ZBTB7B: variants seen among roughly 807,000 people sequenced by gnomAD.
The protein encoded by ZBTB7B is zinc finger and BTB domain-containing protein 7B.
Under a neutral mutation model 31.0 loss-of-function variants are expected in ZBTB7B, and 8 were observed. The ratio of observed to expected loss-of-function variants is 0.26; its 90% CI spans 0.15 to 0.47. The LOEUF is 0.47. Among genes scored for constraint, ZBTB7B ranks in the 20% least tolerant of loss-of-function variants. The pLI, the probability that ZBTB7B is intolerant of heterozygous loss-of-function variation, is 0.99. For missense variants in ZBTB7B, 494 were observed against 742.4 expected, an observed-to-expected ratio of 0.67 and a Z score of 3.89; for synonymous variants, 261 against 307.3, an observed-to-expected ratio of 0.85 and a Z score of 1.58.
Position 155,016,846 on chromosome 1 carries a change from G to T in ZBTB7B, c.*161G>T. On this transcript the variant is annotated 3_prime_UTR_variant, in exon 3 of 3. Coordinates refer to ENST00000535420, the MANE Select transcript of ZBTB7B (RefSeq NM_001256455.2). The surrounding 1 kb of genome is among the most constrained non-coding windows in gnomAD (Gnocchi z 4.3). Reference sequence around the variant, plus strand: ...AGCCCTCATTCCAATTCCAAGCTAAGAAGGTATTGGGGCAGAGGCTCCCCA... The same window carrying T: ...AGCCCTCATTCCAATTCCAAGCTAATAAGGTATTGGGGCAGAGGCTCCCCA... The T allele has an allele frequency of 1.7e-6, 1 of 585,796 alleles. No homozygotes were observed. The highest frequency in any genetic ancestry group is 4.4e-4 in the Middle Eastern group (1 of 2,248). 36.3% of individuals were successfully genotyped at this position (585,796 alleles called of 1,614,324 possible). A position where few individuals can be genotyped will look rare whatever the true frequency, so the allele number is the denominator to read the frequency against.
chr1:155,016,237 T>G lies in ZBTB7B; in HGVS notation c.1172T>G (p.Ile391Ser). 2.5e-6 allele frequency: 4 copies of G among 1,612,658 alleles called. No homozygotes were observed. Among genetic ancestry groups the G allele is most frequent in the Non-Finnish European group, 3.4e-6 (4 of 1,178,972 alleles). Residue 391 changes from isoleucine to serine, a missense_variant, in exon 3 of 3, where the codon ATC becomes AGC. This residue lies in a region of ZBTB7B where 61 missense variants were observed against 170.0 expected (regional missense o/e 0.36). Transcript: ENST00000535420. This position sits in a 1 kb window ranked among gnomAD's most constrained non-coding sequence, Gnocchi z 4.3. ...VRFTRNDKLK[I>S]HMRKHTGERP... ...TGTGCCAGGAACGACAAGCTGAAGATCCACATGCGGAAGCACACGGGAGAG... is the reference window on the plus strand; with the variant it reads ...TGTGCCAGGAACGACAAGCTGAAGAGCCACATGCGGAAGCACACGGGAGAG...
upstream of ZBTB7B, among the ~76,000 whole-genome samples, chr1:155,002,102 G>C (rs1412913008): frequency 2.0e-5 from 3 of 150,984 alleles, no homozygotes; most frequent in Non-Finnish European, 4.4e-5. Flanking sequence ...TGGCCGCTGC[G>C]GACACTGCCC....
At chr1:155,012,843 C>T (rs1256859545) in intron 1 of ZBTB7B, among the ~76,000 whole-genome samples, 1 of 149,366 alleles carries the variant, frequency 6.7e-6, no homozygotes, top group Admixed American at 6.7e-5. Flanking sequence ...CCATCAATGG[C>T]CAGGTCTGAA....
At chr1:155,010,188 G>C (rs1230503548) in intron 1 of ZBTB7B, 4 of 152,604 alleles carry the variant, frequency 2.6e-5, no homozygotes, top group Non-Finnish European at 5.9e-5. Flanking sequence ...TGGGGACTAA[G>C]GGGCTATGGG....
chr1:155,016,206 C>G lies in ZBTB7B; in HGVS notation c.1155-14C>G, dbSNP rs771987432. The G allele has an allele frequency of 6.2e-7, 1 of 1,610,408 alleles. No individual in the cohort carries two copies. Among genetic ancestry groups the G allele is most frequent in the East Asian group, 2.2e-5 (1 of 44,804 alleles). ...CCTGAACACCTCCCTGCCCCTCACC[C>G]CTGCCTGTGCCAGGAACGACAAGCT... On this transcript the variant is annotated splice_polypyrimidine_tract_variant and intron_variant, in intron 2 of 2. Transcript: ENST00000535420. This position sits in a 1 kb window ranked among gnomAD's most constrained non-coding sequence, Gnocchi z 4.3.
At position 155,003,130 on chromosome 1, in the gene ZBTB7B, AAGAC is replaced by A. The variant is rs1193227369; in HGVS notation, c.-7+191_-7+194del. ...CTGGAATTGGTTTTAACTGAGATGA[AAGAC>A]AGAGAAGGAACTGCGGATGCCCCCC... On this transcript the variant is annotated intron_variant, in intron 1 of 2. Coordinates refer to ENST00000535420, the MANE Select transcript of ZBTB7B (RefSeq NM_001256455.2). The surrounding 1 kb of genome is among the most constrained non-coding windows in gnomAD (Gnocchi z 5.8). Among the ~76,000 whole-genome samples the A allele has an allele frequency of 3.3e-5, 5 of 152,294 alleles. No homozygotes were observed. The highest frequency in any genetic ancestry group is 1.3e-4 in the Admixed American group (2 of 15,304).
At chr1:155,008,954 G>A (rs905569609) in intron 1 of ZBTB7B, among the ~76,000 whole-genome samples, 1 of 152,218 alleles carries the variant, frequency 6.6e-6, no homozygotes, top group Non-Finnish European at 1.5e-5. Flanking sequence ...CCAGGGGCCA[G>A]GAGGAGTTGC....
intron 2 of ZBTB7B, 26 bp downstream of exon 2, chr1:155,015,840 G>A (rs1368475909): frequency 8.8e-6 from 14 of 1,599,552 alleles, no homozygotes; most frequent in Non-Finnish European, 1.0e-5. Context: ...GGAAGGGCCC[G>A]GCAGGGGCCA....
rs1293451796 is a variant in ZBTB7B at position 155,018,412 on chromosome 1, G to A, written c.*1727G>A. Reference sequence around the variant, plus strand: ...CTTCTCCCTACTTTCGGCTTTCCCAGTCAGTGCCTTAGGGGGAGAGGCACT... The same window carrying A: ...CTTCTCCCTACTTTCGGCTTTCCCAATCAGTGCCTTAGGGGGAGAGGCACT... On this transcript the variant is annotated 3_prime_UTR_variant, in exon 3 of 3. Coordinates refer to ENST00000535420, the MANE Select transcript of ZBTB7B (RefSeq NM_001256455.2). 2 of 936,116 alleles carry A rather than the reference G, an allele frequency of 2.1e-6. No individual in the cohort carries two copies. The highest frequency in any genetic ancestry group is 3.1e-6 in the Non-Finnish European group (2 of 636,856). 58.0% of individuals were successfully genotyped at this position (936,116 alleles called of 1,614,324 possible).
intron 1 of ZBTB7B, among the ~76,000 whole-genome samples, chr1:155,009,809 G>A (rs1658826753): frequency 6.6e-6 from 1 of 152,238 alleles, no homozygotes; most frequent in Admixed American, 6.5e-5. Context: ...CATATGCCTG[G>A]GAAGAAGGGA....
At position 155,017,920 on chromosome 1, in the gene ZBTB7B, C is replaced by T. The variant is rs368835224; in HGVS notation, c.*1235C>T. 106 of 153,566 alleles carry T rather than the reference C, an allele frequency of 6.9e-4. No individual in the cohort carries two copies. In the South Asian group the frequency reaches 0.017, roughly 24 times the overall value. The allele number at this position is 153,566 out of a possible 1,614,324, so 9.5% of individuals were successfully genotyped here. ...CTCTGCTCTTAGGATTGAATCCACC[C>T]CCATTCTGTACATAGCCTCTTCTGT... On this transcript the variant is annotated 3_prime_UTR_variant, in exon 3 of 3. Coordinates refer to ENST00000535420, the MANE Select transcript of ZBTB7B (RefSeq NM_001256455.2).
Position 155,016,585 on chromosome 1 carries a change from C to T in ZBTB7B, c.1520C>T (p.Pro507Leu). The change falls in exon 3 of 3, where the codon CCC becomes CTC. Residue 507 changes from proline to leucine, a missense_variant. This residue lies in a region of ZBTB7B where 101 missense variants were observed against 119.5 expected (regional missense o/e 0.85). Transcript: ENST00000535420. The surrounding 1 kb of genome is among the most constrained non-coding windows in gnomAD (Gnocchi z 4.3). ...GCTCGATTCTGGGAGCAGTCAGCCC[C>T]CACTGGGCCCCCGGTCTCTACCCCA... ...SLARFWEQSA[P>L]TGPPVSTPGP... The T allele has an allele frequency of 2.5e-6, 4 of 1,613,760 alleles. No homozygotes were observed. The highest frequency in any genetic ancestry group is 3.4e-6 in the Non-Finnish European group (4 of 1,179,790).
chr1:155,012,644 G>A (rs947462644), intron 1 of ZBTB7B, among the ~76,000 whole-genome samples: 10 of 151,846 alleles, frequency 6.6e-5, no homozygotes, highest in Admixed American at 6.6e-4. Context: ...GCCTAGAGGT[G>A]GCTTACAAGC....
At position 155,004,722 on chromosome 1, in the gene ZBTB7B, C is replaced by T. The variant is rs1273375164; in HGVS notation, c.-7+1779C>T. On this transcript the variant is annotated intron_variant, in intron 1 of 2. Coordinates refer to ENST00000535420, the MANE Select transcript of ZBTB7B (RefSeq NM_001256455.2). The surrounding 1 kb of genome is among the most constrained non-coding windows in gnomAD (Gnocchi z 4.0). The stretch of plus-strand genomic sequence containing the variant: ...AGCAGCTGATGAAACAAGGAGAAAT[C>T]TCTGTCAGTGCCTCTGTCCCTGGCC... 6.6e-6 allele frequency among the ~76,000 whole-genome samples: 1 copy of T among 152,088 alleles called. No homozygotes were observed. The highest frequency in any genetic ancestry group is 2.4e-5 in the African/African-American group (1 of 41,398).
chr1:155,009,954 C>T (rs765906408), intron 1 of ZBTB7B, among the ~76,000 whole-genome samples: 4 of 151,630 alleles, frequency 2.6e-5, no homozygotes, highest in East Asian at 1.9e-4. Flanking sequence ...GGAGAGGATG[C>T]GGAGTTCAGG....
In ZBTB7B at chr1:155,018,322, G is replaced by C. The variant is rs1322554938; in HGVS notation, c.*1637G>C. The C allele has an allele frequency of 8.7e-6, 5 of 574,426 alleles. No individual in the cohort carries two copies. The highest frequency in any genetic ancestry group is 1.5e-5 in the Non-Finnish European group (5 of 322,868). 35.6% of individuals were successfully genotyped at this position (574,426 alleles called of 1,614,324 possible). A position where few individuals can be genotyped will look rare whatever the true frequency, so the allele number is the denominator to read the frequency against. ...GCCTCATCTTAGCATTTCAGGTGAT[G>C]GGGGGAGCCCAGGGCTGGGGAGACC... is the stretch of plus-strand genomic sequence containing the variant. On this transcript the variant is annotated 3_prime_UTR_variant, in exon 3 of 3. Transcript: ENST00000535420.
intron 1 of ZBTB7B, among the ~76,000 whole-genome samples, chr1:155,011,501 G>A (rs1182104080): frequency 6.6e-6 from 1 of 152,214 alleles, no homozygotes; most frequent in East Asian, 1.9e-4. Context: ...TTTCAAGAGA[G>A]CTGCCCACCG....
In ZBTB7B at chr1:155,015,270, C is replaced by G. The variant is rs979741917; in HGVS notation, c.610C>G (p.Pro204Ala). Residue 204 changes from proline (P) to alanine (A), a missense_variant, in exon 2 of 3, where the codon CCC becomes GCC. Pro to Ala is a conservative substitution (Grantham distance 27, BLOSUM62 -1). This residue lies in a region of ZBTB7B where 216 missense variants were observed against 229.3 expected (regional missense o/e 0.94). Coordinates refer to ENST00000535420, the MANE Select transcript of ZBTB7B (RefSeq NM_001256455.2). Reference sequence around the variant, plus strand: ...GCCTGTTGCCCGCCGCAGCCGCAAGCCCCGGAAAGCTTTCCTGCAAACCAA... The same window carrying G: ...GCCTGTTGCCCGCCGCAGCCGCAAGGCCCGGAAAGCTTTCCTGCAAACCAA... ...PRPVARRSRK[P>A]RKAFLQTKGA... 6.2e-7 allele frequency: 1 copy of G among 1,613,720 alleles called. No homozygotes were observed.
chr1:155,012,805 C>T (rs1012547383), intron 1 of ZBTB7B, among the ~76,000 whole-genome samples: 36 of 150,862 alleles, frequency 2.4e-4, no homozygotes, highest in African/African-American at 8.3e-4. Flanking sequence ...CATTCACCCC[C>T]CCACCCAAAA....
Sources: allele counts gnomAD v4.1 joint callset (sites outside exome capture counted in the v4.1 genomes callset), GRCh38; gene constraint gnomAD v4.1.1; regional missense constraint gnomAD v4.1.1; non-coding constraint Gnocchi (gnomAD v3.1); transcripts MANE v1.5; gene names NCBI Gene and HGNC (gene_info 2026-07-23, HGNC 2026-07-21).